The following AGAP3 variants were observed in gnomAD, a reference collection of about 807,000 sequenced individuals.
The protein encoded by AGAP3 is arf-GAP with GTPase, ANK repeat and PH domain-containing protein 3.
AGAP3 carries 24 observed loss-of-function variants against 96.9 expected under a neutral mutation model. The observed-to-expected ratio is 0.25, with a 90% CI of 0.18 to 0.35. The LOEUF (loss-of-function observed/expected upper bound fraction) is 0.35, where lower values mean the gene tolerates loss of function less well. AGAP3 is among the 10% of genes least tolerant of loss of function. AGAP3 has a pLI of 1.00. For synonymous variants in AGAP3, 563 were observed against 536.1 expected (o/e 1.05, Z -0.69); for missense variants, 876 against 1,254.2 (o/e 0.70, Z 4.55).
At position 151,118,509 on chromosome 7, in the gene AGAP3, C is replaced by G. The variant is rs773596061; in HGVS notation, c.846C>G (p.Ala282=). Residue 282 remains alanine (A), a synonymous_variant, in exon 7 of 18, where the codon GCC becomes GCG. Coordinates refer to ENST00000397238, the MANE Select transcript of AGAP3 (RefSeq NM_031946.7). This position sits in a 1 kb window ranked among gnomAD's most constrained non-coding sequence, Gnocchi z 6.1. ...TGACTCTGCTGTCCCCTGCAGTGGC[C>G]CAGAAGGTAGTGGCCTTGCGAAAGA... is the stretch of plus-strand genomic sequence containing the variant. ...LNVERVFQDV[A]QKVVALRKKQ... 1 of 1,614,124 alleles carries G rather than the reference C, an allele frequency of 6.2e-7. No homozygotes were observed. The highest frequency in any genetic ancestry group is 8.5e-7 in the Non-Finnish European group (1 of 1,180,016).
chr7:151,142,415 C>T lies in AGAP3; in HGVS notation c.2054C>T (p.Pro685Leu). Residue 685 changes from proline to leucine, a missense_variant, in exon 16 of 18, where the codon CCA (proline) becomes CTA (leucine). This residue lies in a region of AGAP3 where 103 missense variants were observed against 183.0 expected (regional missense o/e 0.56). Coordinates refer to ENST00000397238, the MANE Select transcript of AGAP3 (RefSeq NM_031946.7). The surrounding 1 kb of genome is among the most constrained non-coding windows in gnomAD (Gnocchi z 7.5). ...TCATTCTCCTCTCCTTGCCTAGATC[C>T]AGACTGGGCCAGCCTGAACCTGGGT... Reference protein sequence around the residue: ...SFCIDCDAPNPDWASLNLGAL... With the variant: ...SFCIDCDAPNLDWASLNLGAL... 4 of 1,613,316 alleles carry T rather than the reference C, an allele frequency of 2.5e-6. No individual in the cohort carries two copies. The highest frequency in any genetic ancestry group is 1.7e-6 in the Non-Finnish European group (2 of 1,179,520).
rs777169515 is a variant in AGAP3 at position 151,128,697 on chromosome 7, G to C, written c.1326+13G>C. On this transcript the variant is annotated intron_variant, in intron 10 of 17. Transcript: ENST00000397238. ...CCCCAGCCTGCATGTGAGTCTGGGA[G>C]GAGGAGCCTCCTGGGGGAGTATGGG... 3 of 1,610,540 alleles carry C rather than the reference G, an allele frequency of 1.9e-6. No homozygotes were observed. The highest frequency in any genetic ancestry group is 3.3e-5 in the Admixed American group (2 of 59,986).
At position 151,123,224 on chromosome 7, in the gene AGAP3, C is replaced by G. The variant is rs993967657; in HGVS notation, c.1129-570C>G. ...CGCCGCCGCCGCGCTTGCCTTGCCC[C>G]CTCTTTTTGGCCTCCCCCTATTTCC... On this transcript the variant is annotated intron_variant, in intron 8 of 17. Transcript: ENST00000397238. The G allele has an allele frequency of 5.6e-6, 6 of 1,075,498 alleles. No individual in the cohort carries two copies. The African/African-American group carries it at 1.0e-4, about 18-fold the overall frequency. 66.6% of individuals were successfully genotyped at this position (1,075,498 alleles called of 1,614,324 possible). A position where few individuals can be genotyped will look rare whatever the true frequency, so the allele number is the denominator to read the frequency against.
intron 1 of AGAP3, chr7:151,090,380 CTTTTTTTTTTTTTTTT>C (rs66762542): frequency 1.2e-5 from 1 of 86,418 alleles, no homozygotes; most frequent in African/African-American, 4.5e-5. Context: ...CCCACTAGGG[CTTTTTTTTTTTTTTTT>C]TTTTTTTTTA....
In AGAP3 at chr7:151,108,545, T is replaced by A. The variant is rs116721264; in HGVS notation, c.332-8248T>A. Among the ~76,000 whole-genome samples, 995 of 152,298 alleles carry A rather than the reference T, an allele frequency of 6.5e-3. 7 individuals are homozygous for A. The highest frequency in any genetic ancestry group is 0.021 in the African/African-American group (892 of 41,554). On this transcript the variant is annotated intron_variant, in intron 1 of 17. Transcript: ENST00000397238. This position sits in a 1 kb window ranked among gnomAD's most constrained non-coding sequence, Gnocchi z 4.2. ...AGACCGACATCCTGACCTCTGGAGATGGGGCAGAATCCCCGGGCCTCAGAG... is the reference window on the plus strand; with the variant it reads ...AGACCGACATCCTGACCTCTGGAGAAGGGGCAGAATCCCCGGGCCTCAGAG...
At chr7:151,089,259 G>A (rs374171983) in intron 1 of AGAP3, among the ~76,000 whole-genome samples, 1 of 152,218 alleles carries the variant, frequency 6.6e-6, no homozygotes, top group Non-Finnish European at 1.5e-5. Context: ...TCTGTCCTGC[G>A]AAGCGGTGTC....
chr7:151,141,208 G>A lies in AGAP3; in HGVS notation c.1805-690G>A, dbSNP rs1460052922. ...ATGAGATTCATGCGGCTGTCTTCTG[G>A]GGCCTGGGGGACCAGAGCTTGGAAG... On this transcript the variant is annotated intron_variant, in intron 13 of 17. Coordinates refer to ENST00000397238, the MANE Select transcript of AGAP3 (RefSeq NM_031946.7). The surrounding 1 kb of genome is among the most constrained non-coding windows in gnomAD (Gnocchi z 4.2). 1 of 152,562 alleles carries A rather than the reference G, an allele frequency of 6.6e-6. No homozygotes were observed. Among genetic ancestry groups the A allele is most frequent in the Non-Finnish European group, 1.5e-5 (1 of 68,438 alleles). 9.5% of individuals were successfully genotyped at this position (152,562 alleles called of 1,614,324 possible).
intron 10 of AGAP3, among the ~76,000 whole-genome samples, chr7:151,131,969 C>T (rs1487728598): frequency 6.6e-6 from 1 of 152,180 alleles, no homozygotes; most frequent in Admixed American, 6.5e-5. Flanking sequence ...CTGTAGTAGC[C>T]GATCTAAGAT....
chr7:151,097,936 G>A (rs987711297), intron 1 of AGAP3, among the ~76,000 whole-genome samples: 3 of 152,098 alleles, frequency 2.0e-5, no homozygotes, highest in Admixed American at 2.0e-4. Context: ...TTCATACCAC[G>A]TCTTCACACT....
chr7:151,104,153 G>A (rs1373859084), intron 1 of AGAP3, among the ~76,000 whole-genome samples: 21 of 152,182 alleles, frequency 1.4e-4, no homozygotes. Flanking sequence ...GTCCATCAAT[G>A]ATCTTTGCCT....
chr7:151,125,864 G>A (rs1320376137), intron 9 of AGAP3, among the ~76,000 whole-genome samples: 2 of 152,238 alleles, frequency 1.3e-5, no homozygotes, highest in Non-Finnish European at 2.9e-5. Context: ...GGCGGGAACG[G>A]GTCCTCTGGG....
rs1320984326 is a variant in AGAP3 at position 151,143,318 on chromosome 7, C to T, written c.2274-23C>T. 3.1e-6 allele frequency: 5 copies of T among 1,594,252 alleles called. No homozygotes were observed. The highest frequency in any genetic ancestry group is 1.7e-4 in the Middle Eastern group (1 of 5,950). On this transcript the variant is annotated intron_variant, in intron 16 of 17. Coordinates refer to ENST00000397238, the MANE Select transcript of AGAP3 (RefSeq NM_031946.7). This position sits in a 1 kb window ranked among gnomAD's most constrained non-coding sequence, Gnocchi z 5.9. ...GCTCGGTGACCTTCCTTGGCTCATGCCCTGATGGGCCTGTGGTTGCAGAGA... is the reference window on the plus strand; with the variant it reads ...GCTCGGTGACCTTCCTTGGCTCATGTCCTGATGGGCCTGTGGTTGCAGAGA...
chr7:151,117,128 G>A lies in AGAP3; in HGVS notation c.424G>A (p.Ala142Thr). ...IVGNLSSGKS[A>T]LVHRYLTGTY... ...GGGGAACCTGTCTAGCGGGAAGTCA[G>A]CCCTGGTGCACCGCTATCTGACGGG... Residue 142 changes from alanine (A) to threonine (T), a missense_variant, in exon 3 of 18, where the codon GCC becomes ACC. By Grantham distance (58) the Ala-to-Thr change is moderately conservative (BLOSUM62 0). Coordinates refer to ENST00000397238, the MANE Select transcript of AGAP3 (RefSeq NM_031946.7). 1 of 1,614,146 alleles carries A rather than the reference G, an allele frequency of 6.2e-7. No homozygotes were observed. The highest frequency in any genetic ancestry group is 8.5e-7 in the Non-Finnish European group (1 of 1,179,988).
rs1235933487 is a variant in AGAP3 at position 151,124,072 on chromosome 7, CA to C, written c.1221+187del. On this transcript the variant is annotated intron_variant, in intron 9 of 17. Transcript: ENST00000397238. ...TGAGAAGCCACCTTCTCTGCGCCGCCACCTTCAGGCCACGAGCTCTGCCTGT... is the reference window on the plus strand; with the variant it reads ...TGAGAAGCCACCTTCTCTGCGCCGCCCCTTCAGGCCACGAGCTCTGCCTGT... Among the ~76,000 whole-genome samples the C allele has an allele frequency of 2.0e-5, 3 of 152,340 alleles. No individual in the cohort carries two copies. The East Asian group carries it at 5.8e-4, about 29-fold the overall frequency.
chr7:151,112,936 G>A (rs991591187), intron 1 of AGAP3, among the ~76,000 whole-genome samples: 1 of 152,072 alleles, frequency 6.6e-6, no homozygotes, highest in Non-Finnish European at 1.5e-5. Context: ...GTTTCACTAC[G>A]TTGGCCAGGC....
chr7:151,139,866 G>A lies in AGAP3; in HGVS notation c.1667-113G>A, dbSNP rs886538354. 9.3e-7 allele frequency: 1 copy of A among 1,080,084 alleles called. No homozygotes were observed. Among genetic ancestry groups the A allele is most frequent in the African/African-American group, 1.7e-5 (1 of 60,570 alleles). 66.9% of individuals were successfully genotyped at this position (1,080,084 alleles called of 1,614,324 possible). The stretch of plus-strand genomic sequence containing the variant: ...AGAGGTGTCCGTCTGGCTCTCCTGA[G>A]TGTGGCCCAGCTACAGTTGGCAGGA... On this transcript the variant is annotated intron_variant, in intron 12 of 17. Coordinates refer to ENST00000397238, the MANE Select transcript of AGAP3 (RefSeq NM_031946.7). This position sits in a 1 kb window ranked among gnomAD's most constrained non-coding sequence, Gnocchi z 4.9.
intron 10 of AGAP3, among the ~76,000 whole-genome samples, chr7:151,130,416 G>T (rs1800358016): frequency 6.6e-6 from 1 of 152,162 alleles, no homozygotes; most frequent in African/African-American, 2.4e-5. Context: ...CTAAGACTTG[G>T]ACCCATGACT....
At chr7:151,127,629 C>T (rs561200385) in intron 9 of AGAP3, among the ~76,000 whole-genome samples, 1 of 152,268 alleles carries the variant, frequency 6.6e-6, no homozygotes, top group South Asian at 2.1e-4. Context: ...CGTGGCGCTC[C>T]CTGGTCCTGA....
At position 151,111,477 on chromosome 7, in the gene AGAP3, C is replaced by T. The variant is rs571543651; in HGVS notation, c.332-5316C>T. 2.0e-5 allele frequency among the ~76,000 whole-genome samples: 3 copies of T among 152,294 alleles called. No individual in the cohort carries two copies. In the South Asian group the frequency reaches 6.2e-4, roughly 32 times the overall value. ...GGATCAAGCAACACACACCTGGAGG[C>T]GACCAGTTCCCACATCCTCAGGACC... On this transcript the variant is annotated intron_variant, in intron 1 of 17. Coordinates refer to ENST00000397238, the MANE Select transcript of AGAP3 (RefSeq NM_031946.7).
Sources: allele counts gnomAD v4.1 joint callset (sites outside exome capture counted in the v4.1 genomes callset), GRCh38; gene constraint gnomAD v4.1.1; regional missense constraint gnomAD v4.1.1; non-coding constraint Gnocchi (gnomAD v3.1); transcripts MANE v1.5; gene names NCBI Gene and HGNC (gene_info 2026-07-23, HGNC 2026-07-21).